MDGA2: variants seen among roughly 807,000 people sequenced by gnomAD.
MDGA2 encodes MAM domain-containing glycosylphosphatidylinositol anchor protein 2.
A neutral mutation model predicts 117.8 loss-of-function variants in MDGA2; 40 were observed. The observed-to-expected ratio is 0.34, with a 90% confidence interval of 0.26 to 0.44. The LOEUF is 0.44. MDGA2 is among the 20% of genes least tolerant of loss of function. The pLI, the probability that MDGA2 is intolerant of heterozygous loss-of-function variation, is 1.00. For missense variants in MDGA2, 1,123 were observed against 1,250.6 expected, an observed-to-expected ratio of 0.90 and a Z score of 1.54; for synonymous variants, 452 against 439.0, an observed-to-expected ratio of 1.03 and a Z score of -0.37.
intron 1 of MDGA2, among the ~76,000 whole-genome samples, chr14:47,556,144 T>C (rs567355102): frequency 4.1e-4 from 63 of 152,264 alleles, no homozygotes; most frequent in Non-Finnish European, 6.6e-4. Flanking sequence ...TTTCCCAGCA[T>C]CAGACCTTAG....
At chr14:46,865,222 A>G (rs1165923026) in intron 14 of MDGA2, among the ~76,000 whole-genome samples, 1 of 152,082 alleles carries the variant, frequency 6.6e-6, no homozygotes, top group Non-Finnish European at 1.5e-5. Flanking sequence ...TTCCTAGTTT[A>G]AAATCCTTGA....
At chr14:47,462,091 C>A (rs1594869212) in intron 1 of MDGA2, among the ~76,000 whole-genome samples, 1 of 152,242 alleles carries the variant, frequency 6.6e-6, no homozygotes, top group Admixed American at 6.5e-5. Flanking sequence ...ACCTTTAAAT[C>A]CAACTTGCAA....
intron 10 of MDGA2, among the ~76,000 whole-genome samples, chr14:46,913,679 T>G (rs970190721): frequency 6.6e-6 from 1 of 152,208 alleles, no homozygotes; most frequent in Non-Finnish European, 1.5e-5. Flanking sequence ...TAAGAAAGTT[T>G]AGGAATAAAC....
chr14:47,104,880 A>G (rs1032091195), intron 5 of MDGA2, among the ~76,000 whole-genome samples: 4 of 150,376 alleles, frequency 2.7e-5, no homozygotes, highest in African/African-American at 9.8e-5. Flanking sequence ...CTATCCCTCA[A>G]CCTCTTTCTC....
At chr14:46,960,733 T>TC (rs1016946449) in intron 8 of MDGA2, among the ~76,000 whole-genome samples, 8 of 150,554 alleles carry the variant, frequency 5.3e-5, no homozygotes, top group African/African-American at 2.0e-4. Flanking sequence ...ATTTTCATTT[T>TC]ATATGTATAT....
chr14:47,673,864 C>G (rs888616560), intron 1 of MDGA2, among the ~76,000 whole-genome samples: 4 of 151,968 alleles, frequency 2.6e-5, no homozygotes, highest in Non-Finnish European at 5.9e-5. Context: ...GGAACCCAGA[C>G]GCGCGGACTT....
chr14:47,526,157 A>G (rs374734837), intron 1 of MDGA2, among the ~76,000 whole-genome samples: 1 of 152,182 alleles, frequency 6.6e-6, no homozygotes, highest in East Asian at 1.9e-4. Flanking sequence ...TCTTGAAAAT[A>G]TTAATCATAC....
Position 47,096,559 on chromosome 14 carries a change from C to G in MDGA2, c.1195+295G>C, listed in dbSNP as rs146774687. Among the ~76,000 whole-genome samples, 1,386 of 151,940 alleles carry G rather than the reference C, an allele frequency of 9.1e-3. 20 individuals carry two copies. The highest frequency in any genetic ancestry group is 0.032 in the African/African-American group (1,335 of 41,480). On this transcript the variant is annotated intron_variant, in intron 6 of 16. Transcript: ENST00000399232. Reference sequence around the variant, plus strand: ...CACAGTGAATGTTTTATGCTGCAAGCCACATTTTTTCTTTCAATCTTTTTT... The same window carrying G: ...CACAGTGAATGTTTTATGCTGCAAGGCACATTTTTTCTTTCAATCTTTTTT...
chr14:46,897,764 G>C (rs952936181), intron 10 of MDGA2, among the ~76,000 whole-genome samples: 2 of 151,922 alleles, frequency 1.3e-5, no homozygotes, highest in Admixed American at 1.3e-4. Context: ...AAAGAGTGCA[G>C]TGAGCAATTA....
At chr14:47,268,397 G>A (rs927886088) in intron 2 of MDGA2, among the ~76,000 whole-genome samples, 3 of 151,796 alleles carry the variant, frequency 2.0e-5, no homozygotes, top group Non-Finnish European at 2.9e-5. Context: ...TTATATACAG[G>A]CAAATTCATT....
chr14:47,045,297 T>G (rs1889216718), intron 7 of MDGA2, among the ~76,000 whole-genome samples: 1 of 152,200 alleles, frequency 6.6e-6, no homozygotes, highest in Non-Finnish European at 1.5e-5. Context: ...TGTTATGATT[T>G]TCATATAATT....
At chr14:47,484,079 C>T (rs1385942961) in intron 1 of MDGA2, among the ~76,000 whole-genome samples, 1 of 151,770 alleles carries the variant, frequency 6.6e-6, no homozygotes, top group Non-Finnish European at 1.5e-5. Context: ...TTGGAGAAAC[C>T]TCAAAATTAA....
chr14:47,268,032 C>G (rs749680946), intron 2 of MDGA2, among the ~76,000 whole-genome samples: 1 of 151,792 alleles, frequency 6.6e-6, no homozygotes, highest in Non-Finnish European at 1.5e-5. Context: ...ACAAAGGCTA[C>G]AATCTACTCA....
intron 15 of MDGA2, among the ~76,000 whole-genome samples, chr14:46,852,683 A>G (rs546980939): frequency 9.3e-4 from 141 of 151,984 alleles, no homozygotes; most frequent in Non-Finnish European, 1.8e-3. Context: ...CATCCACCAC[A>G]TGGAAAAACC....
At chr14:47,659,787 G>A (rs1001942677) in intron 1 of MDGA2, among the ~76,000 whole-genome samples, 1 of 152,190 alleles carries the variant, frequency 6.6e-6, no homozygotes, top group Admixed American at 6.5e-5. Context: ...AGAACTAAAT[G>A]TGTAAATTGT....
chr14:47,181,555 T>C (rs963957615), intron 3 of MDGA2, among the ~76,000 whole-genome samples: 4 of 152,220 alleles, frequency 2.6e-5, no homozygotes, highest in Non-Finnish European at 5.9e-5. Flanking sequence ...TCACTATGCT[T>C]TTACTTAATC....
At chr14:47,168,804 A>G (rs1299833492) in intron 3 of MDGA2, among the ~76,000 whole-genome samples, 7 of 152,110 alleles carry the variant, frequency 4.6e-5, no homozygotes, top group African/African-American at 1.7e-4. Flanking sequence ...TAAAATGCTA[A>G]TAAGGCTAAT....
chr14:47,148,853 C>T (rs1347942700), intron 3 of MDGA2, among the ~76,000 whole-genome samples: 2 of 152,144 alleles, frequency 1.3e-5, no homozygotes, highest in Non-Finnish European at 2.9e-5. Flanking sequence ...TCTTACTCAC[C>T]CATTTTTAAT....
chr14:47,169,907 G>GA (rs1019043803), intron 3 of MDGA2, among the ~76,000 whole-genome samples: 3 of 151,840 alleles, frequency 2.0e-5, no homozygotes, highest in African/African-American at 4.8e-5. Context: ...CCCAGAAATT[G>GA]AAAAAAATTA....
Sources: allele counts gnomAD v4.1 joint callset (sites outside exome capture counted in the v4.1 genomes callset), GRCh38; gene constraint gnomAD v4.1.1; transcripts MANE v1.5; gene names NCBI Gene and HGNC (gene_info 2026-07-23, HGNC 2026-07-21).